Variants in CELF2 observed in about 807,000 individuals in gnomAD.
The protein encoded by CELF2 is CUGBP Elav-like family member 2.
In CELF2, 8 loss-of-function variants were observed where a neutral mutation model predicts 62.6. That is an observed-to-expected ratio of 0.13 (90% CI 0.07 to 0.23). CELF2 has a LOEUF of 0.23. Ranked by LOEUF, CELF2 falls within the 10% of genes least tolerant of loss-of-function variation. CELF2 has a pLI of 1.00. For synonymous variants in CELF2, 258 were observed against 250.0 expected (o/e 1.03, Z -0.30); for missense variants, 333 against 671.0 (o/e 0.50, Z 5.56).
chr10:10,651,389 T>G, the CELF2 span, among the ~76,000 whole-genome samples: 3 of 147,302 alleles, frequency 2.0e-5, no homozygotes, highest in Non-Finnish European at 3.0e-5. Context: ...GAGGCCTGCC[T>G]GCCTCTGTAG....
At chr10:10,465,325 G>A in the CELF2 span, among the ~76,000 whole-genome samples, 2 of 152,122 alleles carry the variant, frequency 1.3e-5, no homozygotes, top group East Asian at 1.9e-4. Flanking sequence ...AAGAAATGCA[G>A]CAGGTAGACT....
At chr10:10,628,057 C>T in the CELF2 span, among the ~76,000 whole-genome samples, 1 of 152,128 alleles carries the variant, frequency 6.6e-6, no homozygotes, top group African/African-American at 2.4e-5. Flanking sequence ...TGCCCGCCAC[C>T]ACGCCTAGCT....
the CELF2 span, among the ~76,000 whole-genome samples, chr10:10,676,083 T>C: frequency 6.6e-6 from 1 of 152,112 alleles, no homozygotes; most frequent in Non-Finnish European, 1.5e-5. Flanking sequence ...AATAATGTAG[T>C]GGTAAGGTGT....
the CELF2 span, among the ~76,000 whole-genome samples, chr10:10,752,381 A>G: frequency 3.9e-5 from 6 of 152,146 alleles, no homozygotes; most frequent in Non-Finnish European, 8.8e-5. Context: ...GCAGGACATG[A>G]CGTTTTGTTA....
At chr10:10,857,683 T>TATATATATATATA (rs2059823307) in intron 1 of CELF2, among the ~76,000 whole-genome samples, 1 of 59,192 alleles carries the variant, frequency 1.7e-5, no homozygotes. Flanking sequence ...ATATATATAT[T>TATATATATATATA]TTACCTCAAT....
At chr10:11,084,236 T>C (rs140054706) in intron 1 of CELF2, among the ~76,000 whole-genome samples, 2,064 of 152,280 alleles carry the variant, frequency 0.014, 19 homozygotes, top group Middle Eastern at 0.024. Context: ...CTGCCAGATA[T>C]GGTGGTGGAA....
At chr10:10,605,698 G>A in the CELF2 span, among the ~76,000 whole-genome samples, 1 of 152,184 alleles carries the variant, frequency 6.6e-6, no homozygotes, top group African/African-American at 2.4e-5. Flanking sequence ...AGGAAATGAA[G>A]ATCATGTGTG....
Position 11,224,140 on chromosome 10 carries a change from C to T in CELF2, c.354+6633C>T, listed in dbSNP as rs888735993. On this transcript the variant is annotated intron_variant, in intron 3 of 12. Transcript: ENST00000633077. This position sits in a 1 kb window ranked among gnomAD's most constrained non-coding sequence, Gnocchi z 4.5. ...AGTTGAAAATGCCAGCACAGGATTA[C>T]AGTAGGGAATAGCCACACCACTTTT... Among the ~76,000 whole-genome samples the T allele has an allele frequency of 1.3e-5, 2 of 152,182 alleles. No individual in the cohort carries two copies. Among genetic ancestry groups the T allele is most frequent in the Admixed American group, 6.5e-5 (1 of 15,280 alleles).
intron 5 of CELF2, among the ~76,000 whole-genome samples, chr10:11,261,343 T>C (rs191342288): frequency 1.3e-4 from 20 of 151,708 alleles, no homozygotes; most frequent in Admixed American, 2.0e-4. Flanking sequence ...ACCCCCACTG[T>C]GTCAGAGAGG....
chr10:11,099,176 C>T (rs746315795), intron 1 of CELF2, among the ~76,000 whole-genome samples: 6 of 152,092 alleles, frequency 3.9e-5, no homozygotes, highest in South Asian at 2.1e-4. Context: ...TATGAGGAAA[C>T]GAATGTACTC....
At position 11,267,101 on chromosome 10, in the gene CELF2, C is replaced by A. The variant is rs928998539; in HGVS notation, c.618+424C>A. ...CCTGTGCTAAGTCCCAGGGTTCTTTCGTTTGTACAGGGTCAAGTTATCTTC... is the reference window on the plus strand; with the variant it reads ...CCTGTGCTAAGTCCCAGGGTTCTTTAGTTTGTACAGGGTCAAGTTATCTTC... On this transcript the variant is annotated intron_variant, in intron 6 of 12. Transcript: ENST00000633077. The surrounding 1 kb of genome is among the most constrained non-coding windows in gnomAD (Gnocchi z 4.4). 6.6e-6 allele frequency among the ~76,000 whole-genome samples: 1 copy of A among 152,202 alleles called. No individual in the cohort carries two copies. Among genetic ancestry groups the A allele is most frequent in the African/African-American group, 2.4e-5 (1 of 41,450 alleles).
the CELF2 span, among the ~76,000 whole-genome samples, chr10:10,657,920 C>T: frequency 1.3e-5 from 2 of 152,154 alleles, no homozygotes; most frequent in African/African-American, 4.8e-5. Flanking sequence ...TTAAGGCTTG[C>T]TTTGCCCTGT....
chr10:10,842,971 A>C (rs994120220), intron 1 of CELF2, among the ~76,000 whole-genome samples: 1 of 152,064 alleles, frequency 6.6e-6, no homozygotes, highest in Admixed American at 6.6e-5. Context: ...TAATTTCTTT[A>C]GTAAATATAG....
intron 3 of CELF2, among the ~76,000 whole-genome samples, chr10:11,222,968 CA>C (rs2065336326): frequency 6.6e-6 from 1 of 152,160 alleles, no homozygotes; most frequent in Non-Finnish European, 1.5e-5. Context: ...GATGTCAGTC[CA>C]AATAAATGGA....
chr10:11,062,650 C>T (rs566738726), intron 1 of CELF2, among the ~76,000 whole-genome samples: 2 of 152,288 alleles, frequency 1.3e-5, no homozygotes, highest in African/African-American at 4.8e-5. Context: ...AACAGATGAG[C>T]AGTTGCTTCT....
At chr10:10,939,516 C>A (rs892738220) in intron 2 of CELF2, among the ~76,000 whole-genome samples, 7 of 151,942 alleles carry the variant, frequency 4.6e-5, no homozygotes, top group African/African-American at 1.7e-4. Flanking sequence ...AAACTCCTGA[C>A]CTCAGGTGAT....
rs181539371 is a variant in CELF2, at chr10:11,268,145, C to T, written c.618+1468C>T. On this transcript the variant is annotated intron_variant, in intron 6 of 12. Coordinates refer to ENST00000633077, the MANE Select transcript of CELF2 (RefSeq NM_001326342.2). This position sits in a 1 kb window ranked among gnomAD's most constrained non-coding sequence, Gnocchi z 4.7. Reference sequence around the variant, plus strand: ...TTTCTCTTACTGAGGCCGCTCCATTCCTGTGGATTAGCCTGATTTCCAGCC... The same window carrying T: ...TTTCTCTTACTGAGGCCGCTCCATTTCTGTGGATTAGCCTGATTTCCAGCC... Among the ~76,000 whole-genome samples the T allele has an allele frequency of 6.8e-4, 103 of 152,182 alleles. No individual in the cohort carries two copies. The highest frequency in any genetic ancestry group is 3.4e-3 in the Middle Eastern group (1 of 294).
At chr10:10,753,850 A>G in the CELF2 span, among the ~76,000 whole-genome samples, 5 of 152,292 alleles carry the variant, frequency 3.3e-5, 1 homozygote, top group South Asian at 6.2e-4. Context: ...AAAACCCATG[A>G]CATCTAGGAA....
chr10:10,919,848 T>C (rs2064720216), intron 1 of CELF2: 3 of 569,782 alleles, frequency 5.3e-6, no homozygotes, highest in Non-Finnish European at 7.8e-6. Flanking sequence ...ACCACCTGCA[T>C]GTACGGTATC....
Sources: allele counts gnomAD v4.1 joint callset (sites outside exome capture counted in the v4.1 genomes callset), GRCh38; gene constraint gnomAD v4.1.1; non-coding constraint Gnocchi (gnomAD v3.1); transcripts MANE v1.5; gene names NCBI Gene and HGNC (gene_info 2026-07-23, HGNC 2026-07-21).